FKTN: variants seen among roughly 807,000 people sequenced by gnomAD.
FKTN encodes the protein fukutin, also known as ribitol-5-phosphate transferase FKTN.
Under a neutral mutation model 58.6 loss-of-function variants are expected in FKTN, and 47 were observed. That is an observed-to-expected ratio of 0.80 (90% confidence interval 0.63 to 1.02). FKTN has a LOEUF of 1.02. Ranked by LOEUF, FKTN falls within the 50% of genes least tolerant of loss-of-function variation. The pLI is 0.00. For missense variants in FKTN, 516 were observed against 537.3 expected, an observed-to-expected ratio of 0.96 and a Z score of 0.39; for synonymous variants, 178 against 191.9, an observed-to-expected ratio of 0.93 and a Z score of 0.60.
chr9:105,636,295 G>A lies in FKTN; in HGVS notation c.*1031G>A, dbSNP rs1254800566. Reference sequence around the variant, plus strand: ...TACAGCTTCGTATCTCTAATTTATGGTCTATATACCAATTTAAATGGCATG... The same window carrying A: ...TACAGCTTCGTATCTCTAATTTATGATCTATATACCAATTTAAATGGCATG... On this transcript the variant is annotated 3_prime_UTR_variant, in exon 11 of 11. Transcript: ENST00000357998. 5 of 963,512 alleles carry A rather than the reference G, an allele frequency of 5.2e-6. No homozygotes were observed. The South Asian group carries it at 1.4e-4, about 28-fold the overall frequency. The allele number at this position is 963,512 out of a possible 1,614,324, so 59.7% of individuals were successfully genotyped here. A position where few individuals can be genotyped will look rare whatever the true frequency, so the allele number is the denominator to read the frequency against.
At chr9:105,585,421 A>AAAAT (rs1388836628) in intron 3 of FKTN, among the ~76,000 whole-genome samples, 4 of 152,200 alleles carry the variant, frequency 2.6e-5, no homozygotes, top group Admixed American at 1.3e-4. Flanking sequence ...CCTGTCTCAA[A>AAAAT]AAATAAATAA....
rs191481762 is a variant in FKTN at position 105,613,352 on chromosome 9, T to C, written c.781-1926T>C. On this transcript the variant is annotated intron_variant, in intron 7 of 10. Transcript: ENST00000357998. ...CTTTGAGGAAAGGGATGTATTCAAA[T>C]TGAAGGGATCCTGTGTAATTTGTAT... 8.6e-3 allele frequency among the ~76,000 whole-genome samples: 1,306 copies of C among 152,326 alleles called. 13 individuals are homozygous for C. The highest frequency in any genetic ancestry group is 0.024 in the Middle Eastern group (7 of 294).
intron 1 of FKTN, among the ~76,000 whole-genome samples, chr9:105,566,577 C>T (rs1214704258): frequency 1.3e-5 from 2 of 152,180 alleles, no homozygotes; most frequent in Non-Finnish European, 2.9e-5. Context: ...CACACACACT[C>T]TCCCAAGACT....
chr9:105,607,422 C>T (rs1829094505), intron 6 of FKTN, among the ~76,000 whole-genome samples: 1 of 151,832 alleles, frequency 6.6e-6, no homozygotes, highest in Non-Finnish European at 1.5e-5. Context: ...AATACATTAA[C>T]CAAAATAATT....
intron 7 of FKTN, 95 bp downstream of exon 7, chr9:105,608,046 A>G (rs1328512551): frequency 2.0e-6 from 2 of 1,020,644 alleles, no homozygotes; most frequent in South Asian, 1.3e-5. Flanking sequence ...CTTATGGAAA[A>G]TAGAAAAGTA....
chr9:105,615,497 C>T (rs2133103585), intron 8 of FKTN, 90 bp downstream of exon 8: 1 of 1,238,938 alleles, frequency 8.1e-7, no homozygotes, highest in Non-Finnish European at 1.2e-6. Flanking sequence ...ATATCAGTGA[C>T]ATTTGAAGTG....
chr9:105,631,478 G>C (rs1433365256), intron 10 of FKTN, among the ~76,000 whole-genome samples: 1 of 151,542 alleles, frequency 6.6e-6, no homozygotes, highest in Non-Finnish European at 1.5e-5. Flanking sequence ...TCGGGAACAG[G>C]CAACCTACAA....
At chr9:105,593,923 A>G (rs906928007) in intron 3 of FKTN, among the ~76,000 whole-genome samples, 6 of 152,226 alleles carry the variant, frequency 3.9e-5, no homozygotes, top group Admixed American at 3.9e-4. Context: ...AATTGGAGGC[A>G]ATGAGAAGAG....
chr9:105,626,997 T>TTTTTTTTTA (rs1832821741), intron 10 of FKTN, among the ~76,000 whole-genome samples: 1 of 127,846 alleles, frequency 7.8e-6, no homozygotes, highest in African/African-American at 2.9e-5. Flanking sequence ...TTTTTTTTTT[T>TTTTTTTTTA]GAGACAGAGT....
chr9:105,588,446 G>A lies in FKTN; in HGVS notation c.106-8152G>A, dbSNP rs115595418. Among the ~76,000 whole-genome samples, 1,380 of 152,274 alleles carry A rather than the reference G, an allele frequency of 9.1e-3. 22 individuals carry two copies. Among genetic ancestry groups the A allele is most frequent in the African/African-American group, 0.032 (1,322 of 41,540 alleles). On this transcript the variant is annotated intron_variant, in intron 3 of 10. Transcript: ENST00000357998. ...GTCAAGTATTTGTTGAAAGCTTACTGTGTGCCAAGCACAGTAATAGGCTAT... is the reference window on the plus strand; with the variant it reads ...GTCAAGTATTTGTTGAAAGCTTACTATGTGCCAAGCACAGTAATAGGCTAT...
intron 10 of FKTN, among the ~76,000 whole-genome samples, chr9:105,629,049 T>C (rs1312117474): frequency 6.6e-6 from 1 of 152,188 alleles, no homozygotes; most frequent in African/African-American, 2.4e-5. Context: ...CATTTCATTA[T>C]ACTTAACTTA....
At chr9:105,594,962 C>A (rs902836885) in intron 3 of FKTN, among the ~76,000 whole-genome samples, 1 of 152,084 alleles carries the variant, frequency 6.6e-6, no homozygotes, top group South Asian at 2.1e-4. Context: ...CCTAAATGTT[C>A]ATCAACTAAT....
intron 10 of FKTN, among the ~76,000 whole-genome samples, chr9:105,626,079 G>A (rs751601868): frequency 6.6e-6 from 1 of 152,148 alleles, no homozygotes; most frequent in Non-Finnish European, 1.5e-5. Context: ...TTGCTGTGTA[G>A]TAGTTAATTG....
intron 1 of FKTN, among the ~76,000 whole-genome samples, chr9:105,566,348 A>T: frequency 6.6e-6 from 1 of 152,136 alleles, no homozygotes; most frequent in Non-Finnish European, 1.5e-5. Flanking sequence ...TCAAAAAATC[A>T]ATGAATTCAG....
chr9:105,581,667 G>T (rs980040336), intron 3 of FKTN, among the ~76,000 whole-genome samples: 4 of 152,224 alleles, frequency 2.6e-5, no homozygotes, highest in African/African-American at 9.6e-5. Context: ...GAGGCAGGCA[G>T]GCCTCCTTGA....
At chr9:105,568,957 C>A (rs540067531) in intron 1 of FKTN, among the ~76,000 whole-genome samples, 1 of 152,188 alleles carries the variant, frequency 6.6e-6, no homozygotes, top group East Asian at 1.9e-4. Context: ...TATTATGCAG[C>A]CATAAAAAAG....
chr9:105,607,551 G>A (rs147112386), intron 6 of FKTN, among the ~76,000 whole-genome samples: 15 of 152,004 alleles, frequency 9.9e-5, no homozygotes, highest in African/African-American at 3.4e-4. Flanking sequence ...TTTGATATTT[G>A]TAAGAGGCTG....
At chr9:105,567,947 T>C (rs1054598122) in intron 1 of FKTN, among the ~76,000 whole-genome samples, 1 of 152,074 alleles carries the variant, frequency 6.6e-6, no homozygotes, top group Non-Finnish European at 1.5e-5. Context: ...AACAGAGATA[T>C]AGAACAATGG....
chr9:105,580,210 T>C (rs1028901050), intron 3 of FKTN, among the ~76,000 whole-genome samples: 5 of 152,240 alleles, frequency 3.3e-5, no homozygotes, highest in African/African-American at 9.6e-5. Flanking sequence ...CCTGTCATTA[T>C]GATGTTAGCT....
Sources: allele counts gnomAD v4.1 joint callset (sites outside exome capture counted in the v4.1 genomes callset), GRCh38; gene constraint gnomAD v4.1.1; transcripts MANE v1.5; gene names NCBI Gene and HGNC (gene_info 2026-07-23, HGNC 2026-07-21).